The following TRPM4 variants were observed in gnomAD, a reference collection of about 807,000 sequenced individuals.
TRPM4 encodes transient receptor potential cation channel subfamily M member 4.
Under a neutral mutation model 135.6 loss-of-function variants are expected in TRPM4, and 124 were observed. The ratio of observed to expected loss-of-function variants is 0.91; its 90% CI spans 0.79 to 1.06. TRPM4 has a LOEUF of 1.06. Ranked by LOEUF, TRPM4 falls within the 50% of genes least tolerant of loss-of-function variation. The pLI is 0.00. For missense variants in TRPM4, 1,658 were observed against 1,671.4 expected (o/e 0.99, Z 0.14); for synonymous variants, 745 against 705.6 (o/e 1.06, Z -0.88).
intron 20 of TRPM4, among the ~76,000 whole-genome samples, chr19:49,206,424 C>CA (rs2145985865): frequency 6.8e-6 from 1 of 147,602 alleles, no homozygotes; most frequent in East Asian, 2.0e-4. Context: ...TTGGAATTTT[C>CA]TTTTTTTTTC....
At chr19:49,199,012 A>G (rs1420963088) in intron 17 of TRPM4, among the ~76,000 whole-genome samples, 1 of 151,896 alleles carries the variant, frequency 6.6e-6, no homozygotes, top group South Asian at 2.1e-4. Context: ...AAGTAGCTTC[A>G]CTCATTTCCA....
Position 49,188,975 on chromosome 19 carries a change from G to T in TRPM4, c.1903G>T (p.Glu635Ter). The T allele has an allele frequency of 6.2e-7, 1 of 1,614,142 alleles. No homozygotes were observed. The highest frequency in any genetic ancestry group is 8.5e-7 in the Non-Finnish European group (1 of 1,180,040). ...DLFGECYRSS[E>*]VRAARLLLRR... is the part of the protein sequence containing the mutation. Reference sequence around the variant, plus strand: ...CTTTGGCGAGTGCTATCGCAGCAGTGAGGTGAGGGCTGCCCGCCTCCTCCT... The same window carrying T: ...CTTTGGCGAGTGCTATCGCAGCAGTTAGGTGAGGGCTGCCCGCCTCCTCCT... The change falls in exon 14 of 25, where the codon GAG (glutamate) becomes TAG (stop). Residue 635 changes from glutamate (E) to a stop codon, truncating the protein, a stop_gained. Transcript: ENST00000252826. LOFTEE classifies it high-confidence loss of function.
chr19:49,199,857 A>G (rs555604775), intron 17 of TRPM4, among the ~76,000 whole-genome samples: 1 of 152,322 alleles, frequency 6.6e-6, no homozygotes, highest in South Asian at 2.1e-4. Context: ...AAATAGGGGT[A>G]GAATTTTTAT....
chr19:49,203,317 C>T lies in TRPM4; in HGVS notation c.3131+1176C>T, dbSNP rs192047481. Among the ~76,000 whole-genome samples, 326 of 152,008 alleles carry T rather than the reference C, an allele frequency of 2.1e-3. 6 individuals are homozygous for T. Among genetic ancestry groups the T allele is most frequent in the Non-Finnish European group, 1.9e-3 (130 of 67,990 alleles). On this transcript the variant is annotated intron_variant, in intron 20 of 24. Transcript: ENST00000252826. ...GCCTCAGCCTCCCAAGTAGCTAGGACTACAGGCGTGCGCCACCACACCTGG... is the reference window on the plus strand; with the variant it reads ...GCCTCAGCCTCCCAAGTAGCTAGGATTACAGGCGTGCGCCACCACACCTGG...
intron 17 of TRPM4, among the ~76,000 whole-genome samples, chr19:49,198,364 G>A (rs112339014): frequency 0.023 from 3,528 of 152,132 alleles, 142 homozygotes; most frequent in African/African-American, 0.08. Flanking sequence ...AGGGAGAAAC[G>A]GGCCTGGCGT....
Position 49,200,770 on chromosome 19 carries a change from C to T in TRPM4, c.2938C>T (p.Gln980Ter). The change falls in exon 19 of 25, where the codon CAG (glutamine) becomes TAG (stop). Residue 980 changes from glutamine (Q) to a stop codon, truncating the protein, a stop_gained. Transcript: ENST00000252826. LOFTEE classifies it high-confidence loss of function. ...CCTGCAGATCTTCGGGCAGATTCCC[C>T]AGGAGGACATGGACGGTAGGGGGGA... ...PYLQIFGQIPQEDMDVALMEH... is the reference protein window; with the variant it reads ...PYLQIFGQIP The T allele has an allele frequency of 6.2e-7, 1 of 1,614,016 alleles. No individual in the cohort carries two copies. Among genetic ancestry groups the T allele is most frequent in the Non-Finnish European group, 8.5e-7 (1 of 1,180,020 alleles).
In TRPM4 at chr19:49,171,781, G is replaced by GGGGC. The variant is rs137898843; in HGVS notation, c.1050+13_1050+16dup. On this transcript the variant is annotated intron_variant, in intron 8 of 24. Coordinates refer to ENST00000252826, the MANE Select transcript of TRPM4 (RefSeq NM_017636.4). The surrounding 1 kb of genome is among the most constrained non-coding windows in gnomAD (Gnocchi z 4.7). The stretch of plus-strand genomic sequence containing the variant: ...TCCTGCAGGCCCAGGTATGACACTG[G>GGGGC]GGGCCCAACTCTGGATCCTGAGATG... 9,731 of 1,607,248 alleles carry GGGGC rather than the reference G, an allele frequency of 6.1e-3. 292 individuals carry two copies. The African/African-American group carries it at 0.077, about 13-fold the overall frequency.
At chr19:49,184,090 A>C (rs1465668779) in intron 12 of TRPM4, among the ~76,000 whole-genome samples, 2 of 151,972 alleles carry the variant, frequency 1.3e-5, no homozygotes, top group Non-Finnish European at 2.9e-5. Context: ...GAGTTCCTTG[A>C]GCTTCCTGGA....
chr19:49,188,589 T>C (rs1968281626), intron 12 of TRPM4, 52 bp from the exon 13 acceptor site: 2 of 1,613,328 alleles, frequency 1.2e-6, no homozygotes, highest in Non-Finnish European at 1.7e-6. Flanking sequence ...TCAGGCTTCC[T>C]CCCCCTCTAT....
At chr19:49,158,039 G>A in intron 1 of TRPM4, 149 bp downstream of exon 1, 12 of 1,254,882 alleles carry the variant, frequency 9.6e-6, no homozygotes, top group Non-Finnish European at 1.4e-5. Flanking sequence ...GGGCATGGGG[G>A]TCGAGACTCC....
At chr19:49,168,153 CCCACG>C (rs1217388286) in intron 4 of TRPM4, 56 bp downstream of exon 4, 1 of 1,592,930 alleles carries the variant, frequency 6.3e-7, no homozygotes, top group African/African-American at 1.3e-5. Flanking sequence ...TGCCATCTCC[CCCACG>C]ACTGTGGGTG....
intron 12 of TRPM4, among the ~76,000 whole-genome samples, chr19:49,188,428 A>C (rs1319202338): frequency 2.0e-5 from 3 of 152,078 alleles, no homozygotes; most frequent in Non-Finnish European, 2.9e-5. Flanking sequence ...CCAGCCCCTG[A>C]CTTGCATCCC....
chr19:49,199,318 G>T (rs571177618), intron 17 of TRPM4, among the ~76,000 whole-genome samples: 95 of 152,170 alleles, frequency 6.2e-4, no homozygotes, highest in South Asian at 4.1e-4. Context: ...GAGTGCAGTG[G>T]CGCGATCTCG....
In TRPM4 at chr19:49,200,420, C is replaced by A. The variant is rs774680517; in HGVS notation, c.2766C>A (p.Ile922=). 15 of 1,423,402 alleles carry A rather than the reference C, an allele frequency of 1.1e-5. No individual in the cohort carries two copies. The highest frequency in any genetic ancestry group is 5.7e-5 in the South Asian group (5 of 88,464). 88.2% of individuals were successfully genotyped at this position (1,423,402 alleles called of 1,614,324 possible). The stretch of plus-strand genomic sequence containing the variant: ...AACAGCTGGGGCCCAAGATCGTCAT[C>A]GTGAGCAAGATGGTGAGGCAGGGGC... ...VNKQLGPKIV[I]VSKMMKDVFF... is the part of the protein sequence containing the mutation. The change falls in exon 18 of 25, where the codon ATC becomes ATA. Residue 922 remains isoleucine (I), a synonymous_variant. Transcript: ENST00000252826.
In TRPM4 at chr19:49,183,265, C is replaced by T; in HGVS notation, c.1743+53C>T. The T allele has an allele frequency of 3.7e-6, 6 of 1,611,106 alleles. No individual in the cohort carries two copies. The South Asian group carries it at 5.5e-5, about 15-fold the overall frequency. On this transcript the variant is annotated intron_variant, in intron 12 of 24. Transcript: ENST00000252826. ...CCCTGTCCTTTAGGCCACTGGATGC[C>T]AGTGTTCCCGAAACAATTACCATAC...
Position 49,166,216 on chromosome 19 carries a change from G to A in TRPM4, c.267+1G>A. 1 of 1,600,138 alleles carries A rather than the reference G, an allele frequency of 6.2e-7. No homozygotes were observed. The highest frequency in any genetic ancestry group is 8.5e-7 in the Non-Finnish European group (1 of 1,174,734). On this transcript the variant is annotated splice_donor_variant, in intron 3 of 24. Coordinates refer to ENST00000252826, the MANE Select transcript of TRPM4 (RefSeq NM_017636.4). LOFTEE classifies it high-confidence loss of function. ...GGGGGCCGGCCGCAAGCACAGCAAT[G>A]TGAGGCGGGCCTCTGTGGGCGGGGC... is the stretch of plus-strand genomic sequence containing the variant.
intron 12 of TRPM4, among the ~76,000 whole-genome samples, chr19:49,187,688 C>T (rs1196842761): frequency 2.0e-5 from 3 of 152,126 alleles, no homozygotes; most frequent in Middle Eastern, 3.2e-3. Flanking sequence ...AAGAGTAATT[C>T]GCGCAGAGCC....
At chr19:49,191,299 G>A (rs1199656881) in intron 16 of TRPM4, among the ~76,000 whole-genome samples, 4 of 151,264 alleles carry the variant, frequency 2.6e-5, no homozygotes, top group Admixed American at 1.3e-4. Flanking sequence ...TCTGTTTCCT[G>A]GGTTCCTGAT....
intron 20 of TRPM4, among the ~76,000 whole-genome samples, chr19:49,206,964 G>A (rs536598592): frequency 3.9e-5 from 6 of 152,172 alleles, no homozygotes; most frequent in East Asian, 3.9e-4. Flanking sequence ...TGTTCATTGC[G>A]GGTGTGTAGA....
Sources: allele counts gnomAD v4.1 joint callset (sites outside exome capture counted in the v4.1 genomes callset), GRCh38; gene constraint gnomAD v4.1.1; non-coding constraint Gnocchi (gnomAD v3.1); transcripts MANE v1.5; gene names NCBI Gene and HGNC (gene_info 2026-07-23, HGNC 2026-07-21).